Variants in ANKRD30A observed in about 807,000 individuals in gnomAD.
ANKRD30A encodes ankyrin repeat domain-containing protein 30A.
Under a neutral mutation model 166.3 loss-of-function variants are expected in ANKRD30A, and 170 were observed. That is an observed-to-expected ratio of 1.02 (90% CI 0.90 to 1.16). ANKRD30A has a LOEUF of 1.16. Among genes scored for constraint, ANKRD30A ranks in the 50% most tolerant of loss-of-function variants. The pLI, the probability that ANKRD30A is intolerant of heterozygous loss-of-function variation, is 0.00. For synonymous variants in ANKRD30A, 564 were observed against 508.9 expected (o/e 1.11, Z -1.46); for missense variants, 1,630 against 1,518.0 (o/e 1.07, Z -1.23).
intron 7 of ANKRD30A, among the ~76,000 whole-genome samples, chr10:37,143,952 T>C (rs1423280905): frequency 1.3e-5 from 2 of 151,390 alleles, no homozygotes; most frequent in East Asian, 3.9e-4. Flanking sequence ...TGTGGCCTAG[T>C]ATCAATCTAT....
At chr10:37,159,467 G>A (rs557192690) in intron 15 of ANKRD30A, among the ~76,000 whole-genome samples, 45 of 152,152 alleles carry the variant, frequency 3.0e-4, no homozygotes, top group African/African-American at 9.9e-4. Flanking sequence ...GCAGTGAGCC[G>A]TCCTTTTGCC....
At chr10:37,221,869 T>C (rs1252089366) in intron 34 of ANKRD30A, among the ~76,000 whole-genome samples, 2 of 151,326 alleles carry the variant, frequency 1.3e-5, no homozygotes. Flanking sequence ...GCTCCACTTT[T>C]GTGAGTGGAT....
chr10:37,196,093 A>ATTTTTTTTTT lies in ANKRD30A; in HGVS notation c.2615-1178_2615-1169dup, dbSNP rs749036981. Among the ~76,000 whole-genome samples, 8 of 129,448 alleles carry ATTTTTTTTTT rather than the reference A, an allele frequency of 6.2e-5. 1 individual carries two copies. Among genetic ancestry groups the ATTTTTTTTTT allele is most frequent in the Non-Finnish European group, 6.4e-5 (4 of 62,504 alleles). 84.9% of individuals were successfully genotyped at this position (129,448 alleles called of 152,430 possible). On this transcript the variant is annotated intron_variant, in intron 27 of 35. Coordinates refer to ENST00000361713, the MANE Select transcript of ANKRD30A (RefSeq NM_052997.3). ...AGTTAGAGGTTTTTTTATATTTTCT[A>ATTTTTTTTTT]TTTTTTTTTTTTTTTTTTTGTAGTA...
chr10:37,127,448 T>C (rs1878249), intron 1 of ANKRD30A, among the ~76,000 whole-genome samples: 74,135 of 151,858 alleles, frequency 0.49, 18,559 homozygotes, highest in East Asian at 0.77. Flanking sequence ...AGAAATTAAG[T>C]CACCCTGCAT....
At chr10:37,198,541 G>T (rs1564555599) in intron 29 of ANKRD30A, among the ~76,000 whole-genome samples, 1 of 152,068 alleles carries the variant, frequency 6.6e-6, no homozygotes, top group Non-Finnish European at 1.5e-5. Context: ...ATATTTCCTT[G>T]TTCAATCATG....
At position 37,136,630 on chromosome 10, in the gene ANKRD30A, A is replaced by G; in HGVS notation, c.779A>G (p.Tyr260Cys). 1 of 1,410,320 alleles carries G rather than the reference A, an allele frequency of 7.1e-7. No individual in the cohort carries two copies. The highest frequency in any genetic ancestry group is 9.7e-7 in the Non-Finnish European group (1 of 1,026,138). 87.4% of individuals were successfully genotyped at this position (1,410,320 alleles called of 1,614,324 possible). The change falls in exon 6 of 36, where the codon TAT becomes TGT. Residue 260 changes from tyrosine to cysteine, a missense_variant. Tyr to Cys is a radical substitution (Grantham distance 194, BLOSUM62 -2). This residue lies in a region of ANKRD30A where 904 missense variants were observed against 818.5 expected (regional missense o/e 1.10). Coordinates refer to ENST00000361713, the MANE Select transcript of ANKRD30A (RefSeq NM_052997.3). ...FHHIHEQIME[Y>C]IRKLSKNHQN... Reference sequence around the variant, plus strand: ...AGCATTCATGAACAAATTATGGAATATATACGAAAATTATCTAAAAATCAT... The same window carrying G: ...AGCATTCATGAACAAATTATGGAATGTATACGAAAATTATCTAAAAATCAT...
intron 18 of ANKRD30A, 141 bp from the exon 19 acceptor site, chr10:37,166,464 C>T (rs940994044): frequency 1.3e-6 from 1 of 757,958 alleles, no homozygotes; most frequent in African/African-American, 1.8e-5. Context: ...TGTTTGTTTT[C>T]TACATGTATC....
At chr10:37,140,583 C>G (rs1056185426) in intron 6 of ANKRD30A, among the ~76,000 whole-genome samples, 4 of 152,146 alleles carry the variant, frequency 2.6e-5, no homozygotes, top group Non-Finnish European at 5.9e-5. Flanking sequence ...TTCATTAAAA[C>G]AAGATATGTT....
intron 34 of ANKRD30A, among the ~76,000 whole-genome samples, chr10:37,228,099 A>C (rs1046661025): frequency 2.6e-5 from 4 of 151,996 alleles, no homozygotes; most frequent in African/African-American, 9.7e-5. Context: ...TTATAGCTTC[A>C]TACATATTTT....
chr10:37,153,964 TAC>T (rs1838165168), intron 13 of ANKRD30A, among the ~76,000 whole-genome samples: 1 of 152,136 alleles, frequency 6.6e-6, no homozygotes, highest in Non-Finnish European at 1.5e-5. Flanking sequence ...AGACAGAACG[TAC>T]AGAGAGTACA....
intron 15 of ANKRD30A, among the ~76,000 whole-genome samples, chr10:37,162,395 C>A: frequency 6.6e-6 from 1 of 152,152 alleles, no homozygotes; most frequent in East Asian, 1.9e-4. Context: ...TCATATCAAC[C>A]CTTTATACAC....
At chr10:37,252,290 C>G in the ANKRD30A span, among the ~76,000 whole-genome samples, 1 of 152,050 alleles carries the variant, frequency 6.6e-6, no homozygotes, top group Non-Finnish European at 1.5e-5. Context: ...TTAAGAATAC[C>G]ATATGGATAC....
intron 29 of ANKRD30A, among the ~76,000 whole-genome samples, chr10:37,198,516 A>G (rs1211346): frequency 0.4 from 60,584 of 151,906 alleles, 12,352 homozygotes; most frequent in Admixed American, 0.43. Flanking sequence ...AGAAATTAAA[A>G]GTAAAATATT....
At chr10:37,223,922 G>C (rs1305623533) in intron 34 of ANKRD30A, among the ~76,000 whole-genome samples, 1 of 150,942 alleles carries the variant, frequency 6.6e-6, no homozygotes, top group African/African-American at 2.4e-5. Context: ...ATTAGGAAAA[G>C]AAATAACTGG....
In ANKRD30A at chr10:37,197,551, C is replaced by A. The variant is rs544620570; in HGVS notation, c.2716+71C>A. Reference sequence around the variant, plus strand: ...GAACATTTTGATGGTCTTTCTATCCCCAATGCTTTATTTTTTTCAACTTTG... The same window carrying A: ...GAACATTTTGATGGTCTTTCTATCCACAATGCTTTATTTTTTTCAACTTTG... On this transcript the variant is annotated intron_variant, in intron 29 of 35. Transcript: ENST00000361713. 29 of 1,601,178 alleles carry A rather than the reference C, an allele frequency of 1.8e-5. No homozygotes were observed. In the African/African-American group the frequency reaches 3.8e-4, roughly 21 times the overall value.
At position 37,149,651 on chromosome 10, in the gene ANKRD30A, A is replaced by G. The variant is rs1224837268; in HGVS notation, c.1544A>G (p.Glu515Gly). Residue 515 changes from glutamate to glycine, a missense_variant and splice_region_variant, in exon 10 of 36, where the codon GAG becomes GGG. This residue lies in a region of ANKRD30A where 904 missense variants were observed against 818.5 expected (regional missense o/e 1.10). Transcript: ENST00000361713. ...ATGATAAATCTCTTTTGCTTTTTAG[A>G]GCCTCCTAAGAAGCCATCTGCCTTC... is the stretch of plus-strand genomic sequence containing the variant. ...KVMEINREVE[E>G]PPKKPSAFKP... 2.5e-6 allele frequency: 4 copies of G among 1,611,774 alleles called. No homozygotes were observed. The highest frequency in any genetic ancestry group is 3.4e-6 in the Non-Finnish European group (4 of 1,178,500).
chr10:37,134,117 A>G lies in ANKRD30A; in HGVS notation c.755+64A>G, dbSNP rs973509971. The G allele has an allele frequency of 5.1e-6, 8 of 1,576,730 alleles. No homozygotes were observed. The African/African-American group carries it at 1.1e-4, about 21-fold the overall frequency. On this transcript the variant is annotated intron_variant, in intron 5 of 35. Transcript: ENST00000361713. ...GTTTGTTTCAGGTAGTTTTTGAATT[A>G]CAGTGAGTTCACTTCATCAGCCAGA...
chr10:37,150,859 T>C (rs1412632848), intron 11 of ANKRD30A, among the ~76,000 whole-genome samples: 1 of 152,120 alleles, frequency 6.6e-6, no homozygotes, highest in Non-Finnish European at 1.5e-5. Flanking sequence ...AAGTAAAATA[T>C]TTAAAGTATT....
the ANKRD30A span, among the ~76,000 whole-genome samples, chr10:37,249,524 G>A: frequency 6.6e-6 from 1 of 151,964 alleles, no homozygotes; most frequent in Non-Finnish European, 1.5e-5. Context: ...ATTCCATTAT[G>A]TTATAATAAC....
Sources: gnomAD v4.1 joint callset for allele counts (sites outside exome capture counted in the v4.1 genomes callset) on GRCh38, gnomAD v4.1.1 for gene constraint, gnomAD v4.1.1 regional missense constraint, MANE v1.5 for transcripts, NCBI Gene and HGNC (gene_info 2026-07-23, HGNC 2026-07-21) for gene names.